TRHDE: variants seen among roughly 807,000 people sequenced by gnomAD.
TRHDE encodes the protein thyrotropin-releasing hormone-degrading ectoenzyme.
A neutral mutation model predicts 125.7 loss-of-function variants in TRHDE; 72 were observed. The observed-to-expected ratio is 0.57, with a 90% CI of 0.47 to 0.70. The LOEUF is 0.70. TRHDE is among the 30% of genes least tolerant of loss of function. The pLI is 0.00. For missense variants in TRHDE, 1,110 were observed against 1,327.1 expected, an observed-to-expected ratio of 0.84 and a Z score of 2.54; for synonymous variants, 509 against 509.1, an observed-to-expected ratio of 1.00 and a Z score of 0.00.
intron 2 of TRHDE, among the ~76,000 whole-genome samples, chr12:72,124,731 G>A (rs371717612): frequency 1.8e-4 from 27 of 152,180 alleles, no homozygotes; most frequent in African/African-American, 6.3e-4. Context: ...TGCTATAAAC[G>A]TTATGAGCAA....
intron 2 of TRHDE, among the ~76,000 whole-genome samples, chr12:72,127,207 C>T (rs924703019): frequency 6.6e-6 from 1 of 152,116 alleles, no homozygotes; most frequent in Non-Finnish European, 1.5e-5. Flanking sequence ...GCTGGTAAAG[C>T]TGCAGAGAAA....
At chr12:72,459,928 A>T (rs1329649292) in intron 3 of TRHDE, among the ~76,000 whole-genome samples, 2 of 152,116 alleles carry the variant, frequency 1.3e-5, no homozygotes, top group Admixed American at 1.3e-4. Context: ...GGTATCATCA[A>T]TTTTTTGTGC....
At chr12:72,401,824 G>C (rs546433094) in intron 3 of TRHDE, among the ~76,000 whole-genome samples, 2 of 152,266 alleles carry the variant, frequency 1.3e-5, no homozygotes, top group African/African-American at 4.8e-5. Flanking sequence ...GATATGAATA[G>C]TAAGCTATTA....
chr12:72,257,580 T>C (rs1480711625), intron 2 of TRHDE: 1 of 152,204 alleles, frequency 6.6e-6, no homozygotes, highest in Non-Finnish European at 1.5e-5. Context: ...CCAATATAAC[T>C]TGGGTCATTG....
At chr12:72,122,169 A>C (rs1297648176) in intron 2 of TRHDE, among the ~76,000 whole-genome samples, 1 of 152,130 alleles carries the variant, frequency 6.6e-6, no homozygotes, top group East Asian at 1.9e-4. Flanking sequence ...TTTCAAACCC[A>C]TATTTTCTTC....
At chr12:72,128,144 C>A (rs1490613479) in intron 2 of TRHDE, among the ~76,000 whole-genome samples, 1 of 152,174 alleles carries the variant, frequency 6.6e-6, no homozygotes, top group East Asian at 1.9e-4. Context: ...GTCTGATAAA[C>A]TTCTACATTT....
At chr12:72,114,186 G>GGTAGACAACCCAGTCAGCCA (rs61086784) in intron 2 of TRHDE, among the ~76,000 whole-genome samples, 114,022 of 151,094 alleles carry the variant, frequency 0.75, 43,695 homozygotes, top group Non-Finnish European at 0.82. Flanking sequence ...AAGCATGCTG[G>GGTAGACAACCCAGTCAGCCA]GTCTTTCAAA....
At chr12:72,117,510 C>T (rs1487838127) in intron 2 of TRHDE, among the ~76,000 whole-genome samples, 1 of 151,904 alleles carries the variant, frequency 6.6e-6, no homozygotes, top group Admixed American at 6.6e-5. Flanking sequence ...TTGGATAATG[C>T]GATTCCTCCA....
intron 12 of TRHDE, among the ~76,000 whole-genome samples, chr12:72,612,636 G>A (rs1270595472): frequency 2.0e-5 from 3 of 152,122 alleles, no homozygotes; most frequent in Non-Finnish European, 2.9e-5. Context: ...CTTAGTATAA[G>A]TATTCTAAAG....
At chr12:72,521,956 G>C (rs1868258960) in intron 6 of TRHDE, among the ~76,000 whole-genome samples, 1 of 152,152 alleles carries the variant, frequency 6.6e-6, no homozygotes, top group Non-Finnish European at 1.5e-5. Flanking sequence ...AGCATGTTTT[G>C]AGATAGTTAC....
chr12:72,637,756 T>C (rs1411081801), intron 15 of TRHDE, among the ~76,000 whole-genome samples: 4 of 152,252 alleles, frequency 2.6e-5, no homozygotes, highest in African/African-American at 9.6e-5. Flanking sequence ...TTCATTGTGT[T>C]ATGTACCCAG....
At chr12:72,211,006 G>C (rs981375767) in intron 2 of TRHDE, among the ~76,000 whole-genome samples, 1 of 152,154 alleles carries the variant, frequency 6.6e-6, no homozygotes. Context: ...CCATGTAATT[G>C]ATGCCTATCC....
chr12:72,523,094 C>T (rs1235941307), intron 6 of TRHDE, among the ~76,000 whole-genome samples: 1 of 151,946 alleles, frequency 6.6e-6, no homozygotes, highest in East Asian at 1.9e-4. Context: ...AGGCAGAAGC[C>T]ATGATGTTGC....
chr12:72,115,100 A>G (rs1488948889), intron 2 of TRHDE, among the ~76,000 whole-genome samples: 1 of 151,634 alleles, frequency 6.6e-6, no homozygotes, highest in Non-Finnish European at 1.5e-5. Flanking sequence ...ATCCAGTTAT[A>G]CTCTTTAAGT....
chr12:72,122,865 C>T, intron 2 of TRHDE, among the ~76,000 whole-genome samples: 1 of 152,030 alleles, frequency 6.6e-6, no homozygotes, highest in East Asian at 1.9e-4. Context: ...ATACGTAGTA[C>T]ACAGCCTTTT....
chr12:72,386,236 G>A (rs1215387838), intron 3 of TRHDE, among the ~76,000 whole-genome samples: 1 of 152,168 alleles, frequency 6.6e-6, no homozygotes, highest in East Asian at 1.9e-4. Flanking sequence ...GTATTTTAAA[G>A]AGGCCTCCAA....
intron 1 of TRHDE, among the ~76,000 whole-genome samples, chr12:72,277,708 A>G (rs994861001): frequency 6.6e-6 from 1 of 152,190 alleles, no homozygotes; most frequent in Non-Finnish European, 1.5e-5. Flanking sequence ...TGACCATGTA[A>G]TAATGACTCA....
At chr12:72,304,753 C>G (rs1868315144) in intron 2 of TRHDE, among the ~76,000 whole-genome samples, 1 of 152,166 alleles carries the variant, frequency 6.6e-6, no homozygotes, top group South Asian at 2.1e-4. Context: ...TTGATTCCCA[C>G]TATCACCATG....
intron 5 of TRHDE, among the ~76,000 whole-genome samples, chr12:72,490,626 C>T (rs1877624960): frequency 6.8e-6 from 1 of 147,520 alleles, no homozygotes; most frequent in Admixed American, 6.7e-5. Context: ...CACACACACA[C>T]ATTTTGTTCA....
Sources: gnomAD v4.1 joint callset for allele counts (sites outside exome capture counted in the v4.1 genomes callset) on GRCh38, gnomAD v4.1.1 for gene constraint, MANE v1.5 for transcripts, NCBI Gene and HGNC (gene_info 2026-07-23, HGNC 2026-07-21) for gene names.